FUT8: variants seen among roughly 807,000 people sequenced by gnomAD.
FUT8 encodes fucosyltransferase 8, also known as alpha-(1,6)-fucosyltransferase.
Under a neutral mutation model 71.3 loss-of-function variants are expected in FUT8, and 29 were observed. That is an observed-to-expected ratio of 0.41 (90% CI 0.30 to 0.55). The LOEUF is 0.55. FUT8 is among the 20% of genes least tolerant of loss of function. The pLI is 0.34. For missense variants in FUT8, 544 were observed against 702.1 expected, an observed-to-expected ratio of 0.77 and a Z score of 2.55; for synonymous variants, 254 against 239.3, an observed-to-expected ratio of 1.06 and a Z score of -0.57.
chr14:65,684,916 T>C (rs1192165870), intron 7 of FUT8, among the ~76,000 whole-genome samples: 1 of 152,248 alleles, frequency 6.6e-6, no homozygotes, highest in Non-Finnish European at 1.5e-5. Flanking sequence ...AATGGACTAA[T>C]ACATGCATTT....
At chr14:65,547,276 G>A (rs958461129) in intron 2 of FUT8, among the ~76,000 whole-genome samples, 6 of 151,170 alleles carry the variant, frequency 4.0e-5, no homozygotes, top group Non-Finnish European at 7.4e-5. Flanking sequence ...AACCTTTTAC[G>A]TATTTCACCA....
intron 6 of FUT8, among the ~76,000 whole-genome samples, chr14:65,634,522 C>G (rs1890428320): frequency 7.0e-6 from 1 of 142,358 alleles, no homozygotes; most frequent in African/African-American, 2.6e-5. Flanking sequence ...ATGACCCTGC[C>G]AAATCCCCCT....
intron 1 of FUT8, among the ~76,000 whole-genome samples, chr14:65,454,003 T>G (rs1177715898): frequency 1.3e-5 from 2 of 152,070 alleles, no homozygotes; most frequent in Non-Finnish European, 1.5e-5. Context: ...CCTTATCTAG[T>G]TTGTTTTCTT....
At chr14:65,731,464 G>A (rs903051936) in intron 9 of FUT8, among the ~76,000 whole-genome samples, 2 of 152,156 alleles carry the variant, frequency 1.3e-5, no homozygotes, top group Non-Finnish European at 2.9e-5. Flanking sequence ...ATACTTGAGG[G>A]CAAAAGACAA....
chr14:65,667,013 A>G (rs947060660), intron 6 of FUT8, among the ~76,000 whole-genome samples: 9 of 152,176 alleles, frequency 5.9e-5, no homozygotes, highest in African/African-American at 2.2e-4. Context: ...TCGAAGGAAC[A>G]TACCTATAAA....
intron 5 of FUT8, among the ~76,000 whole-genome samples, chr14:65,624,748 T>C (rs969491456): frequency 2.0e-5 from 3 of 152,256 alleles, no homozygotes; most frequent in African/African-American, 7.2e-5. Flanking sequence ...GTTATTCCAT[T>C]GTATGACATC....
chr14:65,561,117 A>T (rs999467752), intron 2 of FUT8, among the ~76,000 whole-genome samples: 18 of 152,166 alleles, frequency 1.2e-4, no homozygotes, highest in African/African-American at 4.3e-4. Context: ...TCAGGCTTAG[A>T]GCTAATTAGT....
intron 1 of FUT8, among the ~76,000 whole-genome samples, chr14:65,434,148 C>T (rs1445159291): frequency 6.6e-6 from 1 of 152,124 alleles, no homozygotes; most frequent in Admixed American, 6.5e-5. Context: ...TTAAAAACAA[C>T]AATTCTAAAA....
chr14:65,572,050 C>T (rs942302142), intron 3 of FUT8, among the ~76,000 whole-genome samples: 2 of 152,158 alleles, frequency 1.3e-5, no homozygotes, highest in Non-Finnish European at 2.9e-5. Context: ...TCTAGGCCTA[C>T]CAGTGTATAG....
At chr14:65,362,733 C>T in the FUT8 span, among the ~76,000 whole-genome samples, 1 of 151,958 alleles carries the variant, frequency 6.6e-6, no homozygotes, top group Non-Finnish European at 1.5e-5. Flanking sequence ...GAGGCTGAGG[C>T]GGGTGAATCA....
At chr14:65,392,684 G>C in the FUT8 span, among the ~76,000 whole-genome samples, 1 of 152,296 alleles carries the variant, frequency 6.6e-6, no homozygotes, top group South Asian at 2.1e-4. Flanking sequence ...AATAATAGGA[G>C]CGAAAACATT....
intron 5 of FUT8, among the ~76,000 whole-genome samples, chr14:65,625,975 G>A (rs535441469): frequency 1.5e-3 from 228 of 152,218 alleles, no homozygotes; most frequent in Non-Finnish European, 2.7e-3. Flanking sequence ...TGTGTCACAA[G>A]CAAATCACAG....
At chr14:65,447,503 G>A (rs1376643364) in intron 1 of FUT8, among the ~76,000 whole-genome samples, 2 of 151,960 alleles carry the variant, frequency 1.3e-5, no homozygotes, top group African/African-American at 4.8e-5. Flanking sequence ...TTTGACAAAA[G>A]ATTAAATTAA....
upstream of FUT8, chr14:65,412,511 A>AGCCGGCGTGC (rs2065146757): frequency 2.8e-6 from 1 of 358,894 alleles, no homozygotes; most frequent in African/African-American, 2.1e-5. Context: ...TGCGAGCCGG[A>AGCCGGCGTGC]GCCGGCGTGC....
intron 2 of FUT8, among the ~76,000 whole-genome samples, chr14:65,456,377 T>A (rs1016081452): frequency 6.6e-6 from 1 of 152,176 alleles, no homozygotes; most frequent in Admixed American, 6.5e-5. Context: ...AATAATATAT[T>A]TGAGGTTTAT....
At position 65,430,925 on chromosome 14, in the gene FUT8, T is replaced by C. The variant is rs553065140; in HGVS notation, c.-326+17711T>C. Among the ~76,000 whole-genome samples the C allele has an allele frequency of 7.9e-5, 12 of 152,172 alleles. No individual in the cohort carries two copies. The South Asian group carries it at 2.3e-3, about 29-fold the overall frequency. On this transcript the variant is annotated intron_variant, in intron 1 of 10. Coordinates refer to ENST00000673929, the MANE Select transcript of FUT8 (RefSeq NM_001371533.1). ...AATGAGAAAATGTGCTCTAAAATAC[T>C]TGGTTGCATTGATTGGCAATTCTTT...
chr14:65,702,827 C>G (rs1894375702), intron 7 of FUT8, among the ~76,000 whole-genome samples: 2 of 152,072 alleles, frequency 1.3e-5, no homozygotes, highest in Admixed American at 1.3e-4. Flanking sequence ...CAACCTCCAC[C>G]TCCCAGGTTC....
intron 7 of FUT8, among the ~76,000 whole-genome samples, chr14:65,694,812 A>G (rs1232468988): frequency 6.8e-6 from 1 of 147,752 alleles, no homozygotes; most frequent in Admixed American, 6.9e-5. Context: ...CAAACACCGC[A>G]TATTCTCACT....
At chr14:65,457,426 G>A (rs1420065179) in intron 2 of FUT8, among the ~76,000 whole-genome samples, 1 of 152,130 alleles carries the variant, frequency 6.6e-6, no homozygotes, top group Non-Finnish European at 1.5e-5. Flanking sequence ...GGAACTTGTG[G>A]TGTTCCCTGA....
Sources: gnomAD v4.1 joint callset for allele counts (sites outside exome capture counted in the v4.1 genomes callset) on GRCh38, gnomAD v4.1.1 for gene constraint, MANE v1.5 for transcripts, NCBI Gene and HGNC (gene_info 2026-07-23, HGNC 2026-07-21) for gene names.